Variants in CWF19L2 observed in about 807,000 individuals in gnomAD.
The protein encoded by CWF19L2 is CWF19 like cell cycle control factor 2, also known as CWF19-like protein 2.
A neutral mutation model predicts 111.7 loss-of-function variants in CWF19L2; 98 were observed. That is an observed-to-expected ratio of 0.88 (90% CI 0.75 to 1.04). The LOEUF (loss-of-function observed/expected upper bound fraction) is 1.04. Ranked by LOEUF, CWF19L2 falls within the 50% of genes least tolerant of loss-of-function variation. CWF19L2 has a pLI of 0.00. For synonymous variants in CWF19L2, 351 were observed against 342.9 expected, an observed-to-expected ratio of 1.02 and a Z score of -0.26; for missense variants, 1,101 against 1,051.4, an observed-to-expected ratio of 1.05 and a Z score of -0.65.
intron 14 of CWF19L2, chr11:107,345,398 A>G: frequency 2.5e-6 from 1 of 407,694 alleles, no homozygotes; most frequent in South Asian, 1.9e-5. Flanking sequence ...AAAAGTTTAA[A>G]TAATCCGAAA....
chr11:107,415,865 A>G (rs912201338), intron 10 of CWF19L2, among the ~76,000 whole-genome samples: 8 of 152,158 alleles, frequency 5.3e-5, no homozygotes, highest in African/African-American at 2.4e-5. Flanking sequence ...TTGGAGGTTG[A>G]GGCGGGTGGA....
intron 14 of CWF19L2, among the ~76,000 whole-genome samples, chr11:107,338,609 CCA>C: frequency 6.6e-6 from 1 of 152,252 alleles, no homozygotes; most frequent in South Asian, 2.1e-4. Flanking sequence ...TTGTTCCCCA[CCA>C]CCATGTGTCC....
At chr11:107,394,355 G>A (rs1222678870) in intron 10 of CWF19L2, among the ~76,000 whole-genome samples, 1 of 152,110 alleles carries the variant, frequency 6.6e-6, no homozygotes, top group Non-Finnish European at 1.5e-5. Context: ...AGATAGTAGA[G>A]ATAGGCAACA....
chr11:107,349,742 G>C (rs2134542484), intron 13 of CWF19L2, among the ~76,000 whole-genome samples: 1 of 152,166 alleles, frequency 6.6e-6, no homozygotes, highest in Non-Finnish European at 1.5e-5. Flanking sequence ...TTGCATGGCA[G>C]ACATTATTTA....
At chr11:107,328,236 G>A (rs985071827) in intron 17 of CWF19L2, among the ~76,000 whole-genome samples, 9 of 152,032 alleles carry the variant, frequency 5.9e-5, no homozygotes, top group Admixed American at 1.3e-4. Context: ...AAATAAAGGG[G>A]TCAACAGAGA....
intron 2 of CWF19L2, among the ~76,000 whole-genome samples, chr11:107,454,817 GCTTT>G (rs2135432714): frequency 6.6e-6 from 1 of 151,964 alleles, no homozygotes; most frequent in African/African-American, 2.4e-5. Flanking sequence ...GAAAATTTTG[GCTTT>G]ATTTGTAGAT....
At chr11:107,344,764 T>C (rs1342269020) in intron 14 of CWF19L2, among the ~76,000 whole-genome samples, 2 of 152,246 alleles carry the variant, frequency 1.3e-5, no homozygotes, top group Admixed American at 1.3e-4. Flanking sequence ...TTATAAGTTA[T>C]TTTCAATTGA....
At chr11:107,354,706 G>T (rs1860209939) in intron 12 of CWF19L2, among the ~76,000 whole-genome samples, 1 of 152,154 alleles carries the variant, frequency 6.6e-6, no homozygotes, top group Non-Finnish European at 1.5e-5. Flanking sequence ...AGGCAAAGAT[G>T]TCATTATCTC....
chr11:107,355,595 G>T (rs1042669858), intron 12 of CWF19L2, among the ~76,000 whole-genome samples: 2 of 152,136 alleles, frequency 1.3e-5, no homozygotes, highest in Non-Finnish European at 2.9e-5. Context: ...TATTATGAAT[G>T]ATAAAAGGTC....
intron 11 of CWF19L2, among the ~76,000 whole-genome samples, 178 bp downstream of exon 11, chr11:107,392,601 C>T (rs957738047): frequency 2.6e-5 from 4 of 152,152 alleles, no homozygotes; most frequent in Non-Finnish European, 5.9e-5. Flanking sequence ...AGTTTCCATT[C>T]TGTAAAAGGC....
intron 6 of CWF19L2, among the ~76,000 whole-genome samples, chr11:107,437,894 T>A (rs1861564984): frequency 6.6e-6 from 1 of 152,166 alleles, no homozygotes; most frequent in Non-Finnish European, 1.5e-5. Flanking sequence ...AATAGTTGAG[T>A]GAGCTAACTT....
intron 10 of CWF19L2, chr11:107,404,219 A>C: frequency 2.6e-6 from 2 of 777,170 alleles, no homozygotes; most frequent in Non-Finnish European, 4.8e-6. Context: ...AATTCATTGT[A>C]CTCTTTCTGC....
Position 107,353,386 on chromosome 11 carries a change from C to G in CWF19L2, c.2085+138G>C, listed in dbSNP as rs928935421. The G allele has an allele frequency of 6.0e-6, 4 of 663,468 alleles. No individual in the cohort carries two copies. In the African/African-American group the frequency reaches 7.3e-5, roughly 12 times the overall value. 41.1% of individuals were successfully genotyped at this position (663,468 alleles called of 1,614,324 possible). A position where few individuals can be genotyped will look rare whatever the true frequency, so the allele number is the denominator to read the frequency against. ...AGAACAAAAGTTATCTCTGTCTTCACGGAGCTTAAAAATTATTAGGGGAAA... is the reference window on the plus strand; with the variant it reads ...AGAACAAAAGTTATCTCTGTCTTCAGGGAGCTTAAAAATTATTAGGGGAAA... On this transcript the variant is annotated intron_variant, in intron 13 of 17. Coordinates refer to ENST00000282251, the MANE Select transcript of CWF19L2 (RefSeq NM_152434.3).
chr11:107,389,392 A>G (rs1177846339), intron 12 of CWF19L2, among the ~76,000 whole-genome samples: 2 of 152,230 alleles, frequency 1.3e-5, no homozygotes, highest in Non-Finnish European at 2.9e-5. Flanking sequence ...GTTCTTCAAT[A>G]CAACTTTATT....
intron 1 of CWF19L2, 144 bp from the exon 2 acceptor site, chr11:107,455,920 TC>T: frequency 1.8e-6 from 1 of 562,204 alleles, no homozygotes. Context: ...GATTTGCTTC[TC>T]CAGTGTAAAA....
chr11:107,389,368 G>C (rs1310953822), intron 12 of CWF19L2, among the ~76,000 whole-genome samples: 1 of 152,218 alleles, frequency 6.6e-6, no homozygotes, highest in Non-Finnish European at 1.5e-5. Context: ...ATATGTAAAT[G>C]CATGTGTATA....
chr11:107,392,487 A>G (rs11212199), intron 11 of CWF19L2, among the ~76,000 whole-genome samples: 23,920 of 152,208 alleles, frequency 0.16, 2,155 homozygotes, highest in Middle Eastern at 0.26. Context: ...AGCTATAGCA[A>G]GTATGCCAAA....
rs568136522 is a variant in CWF19L2, at chr11:107,372,947, T to C, written c.1872+17127A>G. 3.7e-3 allele frequency among the ~76,000 whole-genome samples: 438 copies of C among 116,968 alleles called. 53 individuals carry two copies. The highest frequency in any genetic ancestry group is 0.016 in the African/African-American group (406 of 24,796). The allele number at this position is 116,968 out of a possible 152,430, so 76.7% of individuals were successfully genotyped here. On this transcript the variant is annotated intron_variant, in intron 12 of 17. Transcript: ENST00000282251. ...GCGTGAGCCGAAGCAGGGCAAGGCA[T>C]TGCCTCACTTGGGAAGTGCAAGGGG...
At chr11:107,457,599 T>C in intron 1 of CWF19L2, 113 bp downstream of exon 1, 1 of 732,868 alleles carries the variant, frequency 1.4e-6, no homozygotes, top group Non-Finnish European at 2.3e-6. Context: ...CTCACCCAAA[T>C]TAAGGTGAGA....
Sources: gnomAD v4.1 joint callset for allele counts (sites outside exome capture counted in the v4.1 genomes callset) on GRCh38, gnomAD v4.1.1 for gene constraint, MANE v1.5 for transcripts, NCBI Gene and HGNC (gene_info 2026-07-23, HGNC 2026-07-21) for gene names.